Variants in CCDC141 observed in about 807,000 individuals in gnomAD.
CCDC141 encodes coiled-coil domain containing 141.
In CCDC141, 168 loss-of-function variants were observed where a neutral mutation model predicts 181.0. The observed-to-expected ratio is 0.93, with a 90% CI of 0.82 to 1.05. The LOEUF (loss-of-function observed/expected upper bound fraction) is 1.05, where lower values mean the gene tolerates loss of function less well. CCDC141 is among the 50% of genes least tolerant of loss of function. The probability of loss-of-function intolerance (pLI) is 0.00; values close to 1 mark genes in which losing one functional copy is unlikely to be tolerated. For synonymous variants in CCDC141, 666 were observed against 642.3 expected, an observed-to-expected ratio of 1.04 and a Z score of -0.56; for missense variants, 1,902 against 1,788.5, an observed-to-expected ratio of 1.06 and a Z score of -1.14.
intron 2 of CCDC141, among the ~76,000 whole-genome samples, chr2:178,990,557 GAA>G (rs1691999995): frequency 7.9e-6 from 1 of 127,162 alleles, no homozygotes; most frequent in Admixed American, 9.1e-5. Flanking sequence ...AGGAAGGAAG[GAA>G]GGAAAAAAGA....
intron 2 of CCDC141, among the ~76,000 whole-genome samples, chr2:179,032,658 C>A (rs1479933622): frequency 1.3e-5 from 2 of 152,116 alleles, no homozygotes; most frequent in African/African-American, 4.8e-5. Context: ...GGCATTAACT[C>A]TTCATCATCC....
intron 5 of CCDC141, among the ~76,000 whole-genome samples, chr2:178,957,870 G>A (rs1575266580): frequency 6.6e-6 from 1 of 152,102 alleles, no homozygotes; most frequent in Non-Finnish European, 1.5e-5. Flanking sequence ...GGGATCACAG[G>A]TACACACCAT....
chr2:178,822,791 T>C, the CCDC141 span, among the ~76,000 whole-genome samples: 1 of 152,194 alleles, frequency 6.6e-6, no homozygotes, highest in Admixed American at 6.5e-5. Flanking sequence ...TAAAGGCATA[T>C]CCATCATTAG....
At chr2:178,984,097 T>TC (rs1691585377) in intron 2 of CCDC141, among the ~76,000 whole-genome samples, 2 of 152,102 alleles carry the variant, frequency 1.3e-5, no homozygotes, top group African/African-American at 4.8e-5. Flanking sequence ...GGGAAGCCCA[T>TC]CAGACTAACA....
intron 6 of CCDC141, among the ~76,000 whole-genome samples, chr2:178,921,222 T>C (rs146693584): frequency 1.7e-3 from 254 of 152,368 alleles, no homozygotes; most frequent in Non-Finnish European, 1.6e-3. Flanking sequence ...AAAACTAATA[T>C]GTGCCAAGAT....
intron 5 of CCDC141, among the ~76,000 whole-genome samples, chr2:178,951,168 T>A (rs895868830): frequency 5.9e-5 from 9 of 152,226 alleles, no homozygotes; most frequent in African/African-American, 2.2e-4. Flanking sequence ...CAGAGCCCCA[T>A]CCAGTGTCTT....
chr2:178,961,178 T>C (rs1352382911), intron 5 of CCDC141, 52 bp downstream of exon 5: 1 of 1,533,468 alleles, frequency 6.5e-7, no homozygotes, highest in South Asian at 1.2e-5. Context: ...TTAATCCATA[T>C]AACAACTAAT....
intron 2 of CCDC141, among the ~76,000 whole-genome samples, chr2:179,010,195 G>A (rs1020516995): frequency 6.6e-6 from 1 of 152,128 alleles, no homozygotes; most frequent in Non-Finnish European, 1.5e-5. Flanking sequence ...TCCTGAGGAA[G>A]AAGAAAATTC....
chr2:178,885,176 A>G (rs898616898), intron 10 of CCDC141, 84 bp from the exon 11 acceptor site: 2 of 860,810 alleles, frequency 2.3e-6, no homozygotes, highest in African/African-American at 1.7e-5. Flanking sequence ...ATATCCACCA[A>G]TTATGATCAC....
chr2:178,935,118 T>G (rs1004772957), intron 6 of CCDC141, among the ~76,000 whole-genome samples: 1 of 152,126 alleles, frequency 6.6e-6, no homozygotes, highest in African/African-American at 2.4e-5. Flanking sequence ...CACAAACATT[T>G]TCTTTTTTTT....
chr2:178,839,581 CAAAAAAAA>C lies in CCDC141; in HGVS notation c.3475-1845_3475-1838del, dbSNP rs58096328. The stretch of plus-strand genomic sequence containing the variant: ...GGCAACAAGAGTGAAACTTCGTCTC[CAAAAAAAA>C]AAAAAAAAAAAAAAAAAATGTGTTT... On this transcript the variant is annotated intron_variant, in intron 22 of 23. Coordinates refer to ENST00000443758, the MANE Select transcript of CCDC141 (RefSeq NM_173648.4). Among the ~76,000 whole-genome samples the C allele has an allele frequency of 5.8e-3, 347 of 59,522 alleles. 6 individuals carry two copies. The highest frequency in any genetic ancestry group is 0.023 in the African/African-American group (319 of 13,894). 39.0% of individuals were successfully genotyped at this position (59,522 alleles called of 152,430 possible).
At chr2:178,865,171 A>G (rs1685791001) in intron 17 of CCDC141, among the ~76,000 whole-genome samples, 2 of 152,186 alleles carry the variant, frequency 1.3e-5, no homozygotes, top group South Asian at 4.1e-4. Context: ...GATCACTTTG[A>G]TCTGTTATTT....
intron 6 of CCDC141, among the ~76,000 whole-genome samples, chr2:178,925,732 A>G (rs1333789802): frequency 6.6e-6 from 1 of 152,096 alleles, no homozygotes; most frequent in Non-Finnish European, 1.5e-5. Flanking sequence ...AATTTAATAA[A>G]AGTCTAGCTG....
intron 18 of CCDC141, among the ~76,000 whole-genome samples, chr2:178,855,935 T>C (rs897561338): frequency 6.6e-6 from 1 of 152,162 alleles, no homozygotes; most frequent in Non-Finnish European, 1.5e-5. Context: ...ATGACATAGA[T>C]GGATGCAAGA....
intron 5 of CCDC141, among the ~76,000 whole-genome samples, chr2:178,960,654 C>T (rs976600119): frequency 2.6e-5 from 4 of 152,092 alleles, no homozygotes; most frequent in African/African-American, 4.8e-5. Flanking sequence ...AGCACATTGA[C>T]GACCCATCAG....
At chr2:178,868,556 T>C (rs1367718274) in intron 15 of CCDC141, among the ~76,000 whole-genome samples, 2 of 149,428 alleles carry the variant, frequency 1.3e-5, no homozygotes, top group Non-Finnish European at 3.0e-5. Context: ...ATGAAGTTTT[T>C]GTAAAAATGC....
intron 8 of CCDC141, among the ~76,000 whole-genome samples, chr2:178,900,796 G>A (rs1161498539): frequency 2.0e-5 from 3 of 152,110 alleles, no homozygotes; most frequent in African/African-American, 7.2e-5. Flanking sequence ...TCAGTTTCTG[G>A]TCAAGAGGCC....
At chr2:179,015,919 T>C (rs567779413) in intron 2 of CCDC141, among the ~76,000 whole-genome samples, 1 of 142,668 alleles carries the variant, frequency 7.0e-6, no homozygotes, top group South Asian at 2.2e-4. Flanking sequence ...ATATCTCATA[T>C]ATATCATATA....
intron 21 of CCDC141, 111 bp downstream of exon 21, chr2:178,849,938 A>G: frequency 1.6e-6 from 1 of 634,510 alleles, no homozygotes; most frequent in Admixed American, 3.2e-5. Flanking sequence ...AAATGTGCAC[A>G]TTATGTACCC....
Sources: allele counts gnomAD v4.1 joint callset (sites outside exome capture counted in the v4.1 genomes callset), GRCh38; gene constraint gnomAD v4.1.1; transcripts MANE v1.5; gene names NCBI Gene and HGNC (gene_info 2026-07-23, HGNC 2026-07-21).